Variants in ARB2A observed in about 807,000 individuals in gnomAD.
The protein encoded by ARB2A is ARB2 cotranscriptional regulator A.
At chr5:93,792,941 T>C in the ARB2A span, among the ~76,000 whole-genome samples, 1 of 152,078 alleles carries the variant, frequency 6.6e-6, no homozygotes, top group Non-Finnish European at 1.5e-5. Flanking sequence ...GATAGAACAA[T>C]TCCTTTTTAA....
chr5:93,878,688 T>A, the ARB2A span, among the ~76,000 whole-genome samples: 1 of 152,022 alleles, frequency 6.6e-6, no homozygotes, highest in Admixed American at 6.6e-5. Flanking sequence ...TTATAAACAT[T>A]TAAGAAACAG....
At chr5:93,990,620 TAAAAAAAAAAAA>T in the ARB2A span, among the ~76,000 whole-genome samples, 3 of 75,250 alleles carry the variant, frequency 4.0e-5, no homozygotes, top group African/African-American at 5.9e-5. Flanking sequence ...CTACCATGAG[TAAAAAAAAAAAA>T]AAAAAAAAAA....
chr5:93,677,613 G>A, the ARB2A span, among the ~76,000 whole-genome samples: 17 of 152,276 alleles, frequency 1.1e-4, no homozygotes, highest in South Asian at 3.3e-3. Context: ...GATACATCAG[G>A]GACTAGCCTG....
the ARB2A span, among the ~76,000 whole-genome samples, chr5:93,811,745 G>C: frequency 9.2e-5 from 14 of 152,134 alleles, no homozygotes; most frequent in Admixed American, 9.2e-4. Context: ...ATGAGATAAA[G>C]TATACAAATT....
At chr5:93,764,101 G>T in the ARB2A span, among the ~76,000 whole-genome samples, 1 of 152,320 alleles carries the variant, frequency 6.6e-6, no homozygotes, top group South Asian at 2.1e-4. Flanking sequence ...AAGCAGGCAA[G>T]ATCTAAAATT....
At chr5:93,843,693 C>T in the ARB2A span, among the ~76,000 whole-genome samples, 2 of 151,980 alleles carry the variant, frequency 1.3e-5, no homozygotes, top group African/African-American at 4.8e-5. Context: ...ATAAAAAGAG[C>T]TCTTTCAAAT....
At chr5:94,042,879 A>AT in the ARB2A span, among the ~76,000 whole-genome samples, 1 of 152,212 alleles carries the variant, frequency 6.6e-6, no homozygotes, top group Non-Finnish European at 1.5e-5. Context: ...AAAATTGTGT[A>AT]AGATGCCTAT....
At chr5:94,046,580 G>T in the ARB2A span, among the ~76,000 whole-genome samples, 1 of 152,138 alleles carries the variant, frequency 6.6e-6, no homozygotes, top group Non-Finnish European at 1.5e-5. Context: ...TAAGGCACCA[G>T]CTAGCAAGGG....
the ARB2A span, among the ~76,000 whole-genome samples, chr5:94,043,317 C>A: frequency 6.6e-6 from 1 of 152,212 alleles, no homozygotes; most frequent in African/African-American, 2.4e-5. Context: ...GAAAACTTTT[C>A]TTTTGAGCTA....
At chr5:93,921,198 C>T in the ARB2A span, among the ~76,000 whole-genome samples, 4 of 149,486 alleles carry the variant, frequency 2.7e-5, no homozygotes, top group Non-Finnish European at 4.4e-5. Context: ...GAAGCTGTAG[C>T]TACAGCTGTG....
chr5:93,980,636 T>C, the ARB2A span, among the ~76,000 whole-genome samples: 3 of 152,160 alleles, frequency 2.0e-5, no homozygotes, highest in Non-Finnish European at 4.4e-5. Flanking sequence ...TTTAAAATCT[T>C]TCTGAGCTAT....
At chr5:93,767,993 CAAAAAAAA>C in the ARB2A span, among the ~76,000 whole-genome samples, 33 of 20,956 alleles carry the variant, frequency 1.6e-3, no homozygotes, top group African/African-American at 3.3e-3. Flanking sequence ...GACTCCATCT[CAAAAAAAA>C]AAAAAAAAAA....
chr5:93,748,566 C>T, the ARB2A span, among the ~76,000 whole-genome samples: 1 of 151,950 alleles, frequency 6.6e-6, no homozygotes, highest in Non-Finnish European at 1.5e-5. Context: ...ACTTGACTTG[C>T]TGGACAAAAT....
chr5:93,765,427 A>G, the ARB2A span, among the ~76,000 whole-genome samples: 1 of 152,336 alleles, frequency 6.6e-6, no homozygotes, highest in African/African-American at 2.4e-5. Flanking sequence ...CCAAATCATG[A>G]GTGAACTCCC....
the ARB2A span, among the ~76,000 whole-genome samples, chr5:94,014,858 G>A: frequency 4.7e-5 from 7 of 149,252 alleles, no homozygotes; most frequent in South Asian, 1.5e-3. Flanking sequence ...CAGGAGGGAA[G>A]AAAAATGAAA....
At chr5:93,803,103 T>C in the ARB2A span, among the ~76,000 whole-genome samples, 2 of 152,072 alleles carry the variant, frequency 1.3e-5, no homozygotes, top group African/African-American at 2.4e-5. Context: ...AACAGGTGCC[T>C]GCTTAGATAG....
At chr5:94,030,943 A>C in the ARB2A span, among the ~76,000 whole-genome samples, 4 of 152,224 alleles carry the variant, frequency 2.6e-5, no homozygotes, top group Non-Finnish European at 5.9e-5. Flanking sequence ...CCCTCAACAG[A>C]AGCCAAACAG....
chr5:93,692,527 G>C, the ARB2A span, among the ~76,000 whole-genome samples: 1 of 152,100 alleles, frequency 6.6e-6, no homozygotes, highest in South Asian at 2.1e-4. Context: ...ACTCAATATA[G>C]GAGTACCCAG....
At chr5:93,880,863 A>G in the ARB2A span, among the ~76,000 whole-genome samples, 1 of 151,530 alleles carries the variant, frequency 6.6e-6, no homozygotes, top group African/African-American at 2.4e-5. Context: ...CCCTCATTAC[A>G]CTATCCCTAC....
Sources: allele counts gnomAD v4.1 joint callset (sites outside exome capture counted in the v4.1 genomes callset), GRCh38; gene constraint gnomAD v4.1.1; transcripts MANE v1.5; gene names NCBI Gene and HGNC (gene_info 2026-07-23, HGNC 2026-07-21).